Variants in ITPR2 observed in about 807,000 individuals in gnomAD.
ITPR2 encodes the protein inositol 1,4,5-trisphosphate-gated calcium channel ITPR2.
In ITPR2, 207 loss-of-function variants were observed where a neutral mutation model predicts 317.1. The ratio of observed to expected loss-of-function variants is 0.65; its 90% CI spans 0.58 to 0.73. ITPR2 has a LOEUF of 0.73. ITPR2 is among the 30% of genes least tolerant of loss of function. The pLI is 0.00. For synonymous variants in ITPR2, 1,156 were observed against 1,149.1 expected, an observed-to-expected ratio of 1.01 and a Z score of -0.12; for missense variants, 2,613 against 3,284.0, an observed-to-expected ratio of 0.80 and a Z score of 4.99.
intron 15 of ITPR2, 130 bp downstream of exon 15, chr12:26,663,555 G>T (rs1947550262): frequency 1.2e-6 from 1 of 850,226 alleles, no homozygotes; most frequent in Non-Finnish European, 1.8e-6. Context: ...TTTATGTATT[G>T]CCCAACATAA....
At chr12:26,544,279 G>A (rs539465608) in intron 37 of ITPR2, among the ~76,000 whole-genome samples, 2 of 152,138 alleles carry the variant, frequency 1.3e-5, no homozygotes, top group African/African-American at 4.8e-5. Context: ...AGAAACATGG[G>A]TCAAGGAAGA....
intron 9 of ITPR2, among the ~76,000 whole-genome samples, chr12:26,703,186 C>T (rs955495363): frequency 3.9e-5 from 6 of 152,160 alleles, no homozygotes; most frequent in African/African-American, 1.4e-4. Context: ...TTTAAACTTA[C>T]TGTGAGACTT....
intron 26 of ITPR2, among the ~76,000 whole-genome samples, chr12:26,614,682 A>T (rs1946337198): frequency 6.6e-6 from 1 of 152,230 alleles, no homozygotes; most frequent in South Asian, 2.1e-4. Flanking sequence ...ATATACTGCT[A>T]AGTAAAAGAA....
intron 1 of ITPR2, among the ~76,000 whole-genome samples, chr12:26,795,741 T>G (rs1446612587): frequency 6.6e-6 from 1 of 152,094 alleles, no homozygotes; most frequent in Non-Finnish European, 1.5e-5. Context: ...CCCAGCACTT[T>G]GGGAGGCTGA....
chr12:26,491,265 C>T (rs1487041392), intron 39 of ITPR2, among the ~76,000 whole-genome samples: 3 of 151,772 alleles, frequency 2.0e-5, no homozygotes, highest in South Asian at 4.2e-4. Context: ...AGGTGGATCA[C>T]GAGGTCAGGA....
At chr12:26,397,286 G>A (rs1396842108) in intron 54 of ITPR2, among the ~76,000 whole-genome samples, 1 of 151,900 alleles carries the variant, frequency 6.6e-6, no homozygotes, top group East Asian at 1.9e-4. Context: ...AGTAAGTGAA[G>A]ACCCTTGTAC....
chr12:26,664,513 C>T (rs1054314527), intron 14 of ITPR2, among the ~76,000 whole-genome samples: 1 of 152,142 alleles, frequency 6.6e-6, no homozygotes, highest in Admixed American at 6.5e-5. Context: ...GGCAGCAAGA[C>T]AGCAGGAGGG....
At chr12:26,572,108 A>C (rs1180327869) in intron 34 of ITPR2, among the ~76,000 whole-genome samples, 1 of 152,184 alleles carries the variant, frequency 6.6e-6, no homozygotes, top group African/African-American at 2.4e-5. Context: ...TTAATATTAA[A>C]AATTCTTGCA....
chr12:26,735,072 C>A (rs1949095056), intron 2 of ITPR2, among the ~76,000 whole-genome samples: 1 of 143,028 alleles, frequency 7.0e-6, no homozygotes, highest in African/African-American at 2.6e-5. Flanking sequence ...ACGATCTCGG[C>A]TCACCACAAC....
intron 1 of ITPR2, among the ~76,000 whole-genome samples, chr12:26,824,318 TG>T (rs1950981629): frequency 6.6e-6 from 1 of 152,232 alleles, no homozygotes; most frequent in African/African-American, 2.4e-5. Flanking sequence ...GTTGAAAAAT[TG>T]TAAATCAAAC....
intron 5 of ITPR2, among the ~76,000 whole-genome samples, chr12:26,718,734 C>CA (rs1948785031): frequency 6.6e-6 from 1 of 151,980 alleles, no homozygotes; most frequent in African/African-American, 2.4e-5. Flanking sequence ...CTCAGCCTCC[C>CA]AAGTAGCTGG....
At chr12:26,718,263 T>G (rs1948775417) in intron 5 of ITPR2, among the ~76,000 whole-genome samples, 1 of 152,064 alleles carries the variant, frequency 6.6e-6, no homozygotes. Context: ...CCATGTGTTC[T>G]CAACTTCCAA....
intron 50 of ITPR2, 99 bp from the exon 51 acceptor site, chr12:26,415,597 G>A: frequency 1.2e-6 from 1 of 815,176 alleles, no homozygotes; most frequent in Non-Finnish European, 1.8e-6. Context: ...AGCCATTCTA[G>A]TTTATATATA....
rs77409855 is a variant in ITPR2, at chr12:26,606,475, A to T, written c.3463-3769T>A. On this transcript the variant is annotated intron_variant, in intron 26 of 56. Transcript: ENST00000381340. ...AACAAGAGACCAAGAATAGTCTAGA[A>T]ATTGGGTGGCATCAGGGTTCTAGGC... is the stretch of plus-strand genomic sequence containing the variant. Among the ~76,000 whole-genome samples, 1,399 of 152,130 alleles carry T rather than the reference A, an allele frequency of 9.2e-3. 25 individuals are homozygous for T. Among genetic ancestry groups the T allele is most frequent in the African/African-American group, 0.032 (1,341 of 41,510 alleles).
intron 37 of ITPR2, among the ~76,000 whole-genome samples, chr12:26,507,857 C>G (rs144243242): frequency 0.23 from 20,525 of 87,352 alleles, 2,063 homozygotes; most frequent in Non-Finnish European, 0.41. Flanking sequence ...TCTTCTCTCT[C>G]TGTCTCTGTG....
chr12:26,384,123 T>C (rs1007417720), intron 55 of ITPR2, among the ~76,000 whole-genome samples: 2 of 152,146 alleles, frequency 1.3e-5, no homozygotes, highest in African/African-American at 4.8e-5. Context: ...AGTAGCTACC[T>C]CAGGAGCAGA....
chr12:26,767,481 G>A (rs1055776466), intron 2 of ITPR2, among the ~76,000 whole-genome samples: 1 of 152,136 alleles, frequency 6.6e-6, no homozygotes, highest in South Asian at 2.1e-4. Context: ...CTGTAAAATT[G>A]ATGTGTCACC....
intron 28 of ITPR2, among the ~76,000 whole-genome samples, chr12:26,602,126 T>C (rs968259228): frequency 6.6e-6 from 1 of 152,112 alleles, no homozygotes; most frequent in African/African-American, 2.4e-5. Context: ...CTGAGTAGCG[T>C]GTAGGGACTA....
At chr12:26,361,087 C>T (rs765373951) in intron 55 of ITPR2, among the ~76,000 whole-genome samples, 3 of 151,884 alleles carry the variant, frequency 2.0e-5, no homozygotes, top group South Asian at 2.1e-4. Context: ...TGGTAGCGAG[C>T]GCCTGTAATC....
Sources: gnomAD v4.1 joint callset for allele counts (sites outside exome capture counted in the v4.1 genomes callset) on GRCh38, gnomAD v4.1.1 for gene constraint, MANE v1.5 for transcripts, NCBI Gene and HGNC (gene_info 2026-07-23, HGNC 2026-07-21) for gene names.